PCDHGA7: variants seen among roughly 807,000 people sequenced by gnomAD.
The protein encoded by PCDHGA7 is protocadherin gamma-A7.
PCDHGA7 carries 44 observed loss-of-function variants against 58.3 expected under a neutral mutation model. The ratio of observed to expected loss-of-function variants is 0.75; its 90% CI spans 0.59 to 0.97. PCDHGA7 has a LOEUF of 0.97. Among genes scored for constraint, PCDHGA7 ranks in the 50% least tolerant of loss-of-function variants. PCDHGA7 has a pLI of 0.00. For synonymous variants in PCDHGA7, 516 were observed against 504.2 expected (o/e 1.02, Z -0.31); for missense variants, 1,266 against 1,188.7 (o/e 1.06, Z -0.96).
intron 1 of PCDHGA7, among the ~76,000 whole-genome samples, chr5:141,481,426 A>T (rs1431602618): frequency 6.6e-6 from 1 of 152,238 alleles, no homozygotes; most frequent in Non-Finnish European, 1.5e-5. Context: ...TGTGATGATG[A>T]TTGTATCAGT....
At chr5:141,508,193 C>T (rs1426786164) in intron 3 of PCDHGA7, 1 of 152,326 alleles carries the variant, frequency 6.6e-6, no homozygotes, top group Non-Finnish European at 1.5e-5. Flanking sequence ...ATCACCCCCA[C>T]CTCGTCCAGG....
chr5:141,509,059 C>T (rs1313349089), intron 3 of PCDHGA7, among the ~76,000 whole-genome samples: 2 of 152,182 alleles, frequency 1.3e-5, no homozygotes, highest in Non-Finnish European at 2.9e-5. Flanking sequence ...CCAGAAAGCT[C>T]TCAGCTCCGG....
In PCDHGA7 at chr5:141,512,385, A is replaced by G. The variant is rs78180647; in HGVS notation, c.*1212A>G. 6,750 of 152,704 alleles carry G rather than the reference A, an allele frequency of 0.044. 413 individuals carry two copies. Among genetic ancestry groups the G allele is most frequent in the Admixed American group, 0.18 (2,745 of 15,296 alleles). The allele number at this position is 152,704 out of a possible 1,614,324, so 9.5% of individuals were successfully genotyped here. ...TAGGGCAGGGACCAAATGAACAGAAAGTCTCAGCCCAGGATGGGGCTTCTT... is the reference window on the plus strand; with the variant it reads ...TAGGGCAGGGACCAAATGAACAGAAGGTCTCAGCCCAGGATGGGGCTTCTT... On this transcript the variant is annotated 3_prime_UTR_variant, in exon 4 of 4. Coordinates refer to ENST00000518325, the MANE Select transcript of PCDHGA7 (RefSeq NM_018920.4).
At position 141,477,039 on chromosome 5, in the gene PCDHGA7, G is replaced by C. The variant is rs1313580652; in HGVS notation, c.2425-17768G>C. Reference sequence around the variant, plus strand: ...GTAACCGGGATGCTGACAATCAAGGGTCGGCTGGACTTCGAGGACACCAAA... The same window carrying C: ...GTAACCGGGATGCTGACAATCAAGGCTCGGCTGGACTTCGAGGACACCAAA... On this transcript the variant is annotated intron_variant, in intron 1 of 3. Coordinates refer to ENST00000518325, the MANE Select transcript of PCDHGA7 (RefSeq NM_018920.4). This position sits in a 1 kb window ranked among gnomAD's most constrained non-coding sequence, Gnocchi z 4.9. 1 of 1,614,144 alleles carries C rather than the reference G, an allele frequency of 6.2e-7. No individual in the cohort carries two copies. The highest frequency in any genetic ancestry group is 8.5e-7 in the Non-Finnish European group (1 of 1,180,056).
intron 1 of PCDHGA7, chr5:141,413,772 A>G: frequency 1.9e-6 from 3 of 1,613,226 alleles, no homozygotes; most frequent in Non-Finnish European, 2.5e-6. Context: ...CGGAGCTGGT[A>G]CTGGAGCACT....
At chr5:141,389,998 T>C (rs755639909) in intron 1 of PCDHGA7, 1 of 1,614,046 alleles carries the variant, frequency 6.2e-7, no homozygotes, top group East Asian at 2.2e-5. Context: ...CTCGTGGCCA[T>C]GATTCTGGCC....
chr5:141,422,919 G>C (rs1445179310), intron 1 of PCDHGA7: 9 of 1,614,120 alleles, frequency 5.6e-6, no homozygotes, highest in Non-Finnish European at 6.8e-6. Context: ...CCGAGATCCT[G>C]TACCCTGCCC....
intron 1 of PCDHGA7, chr5:141,405,033 T>TTGTGGC: frequency 6.2e-7 from 1 of 1,613,962 alleles, no homozygotes; most frequent in Non-Finnish European, 8.5e-7. Context: ...CTCTACCTCG[T>TTGTGGC]TGTGGCTGTG....
chr5:141,437,881 G>A (rs1317504695), intron 1 of PCDHGA7, among the ~76,000 whole-genome samples: 4 of 152,026 alleles, frequency 2.6e-5, no homozygotes, highest in Admixed American at 2.6e-4. Flanking sequence ...GGGACTACAG[G>A]CACACGCCAC....
In PCDHGA7 at chr5:141,419,975, G is replaced by A. The variant is rs372316838; in HGVS notation, c.2424+34652G>A. ...CTTGATTTCTGTGCTCTTTCTCCTC[G>A]CGGTGATTCTAGCTATTGCTCTACG... On this transcript the variant is annotated intron_variant, in intron 1 of 3. Coordinates refer to ENST00000518325, the MANE Select transcript of PCDHGA7 (RefSeq NM_018920.4). 273 of 1,613,928 alleles carry A rather than the reference G, an allele frequency of 1.7e-4. No homozygotes were observed. The highest frequency in any genetic ancestry group is 2.2e-4 in the Non-Finnish European group (261 of 1,179,916).
Position 141,393,047 on chromosome 5 carries a change from C to G in PCDHGA7, c.2424+7724C>G, listed in dbSNP as rs778464494. ...GTAGGACGCAGCTCTTTGCTCTGAA[C>G]CCGCGCAGCGGCAGCTTGATCACCG... On this transcript the variant is annotated intron_variant, in intron 1 of 3. Transcript: ENST00000518325. 16 of 1,613,566 alleles carry G rather than the reference C, an allele frequency of 9.9e-6. No homozygotes were observed. The South Asian group carries it at 1.6e-4, about 17-fold the overall frequency.
At chr5:141,394,856 G>A (rs1008039711) in intron 1 of PCDHGA7, 1 of 1,613,792 alleles carries the variant, frequency 6.2e-7, no homozygotes, top group Non-Finnish European at 8.5e-7. Flanking sequence ...TGAAGCCTTC[G>A]GTCGACCCGA....
chr5:141,406,415 GC>G (rs2094806009), intron 1 of PCDHGA7, among the ~76,000 whole-genome samples: 1 of 152,164 alleles, frequency 6.6e-6, no homozygotes, highest in Non-Finnish European at 1.5e-5. Flanking sequence ...ACAGCTGAAA[GC>G]CCAGATTTAT....
At position 141,416,083 on chromosome 5, in the gene PCDHGA7, A is replaced by T. The variant is rs183563665; in HGVS notation, c.2424+30760A>T. The T allele has an allele frequency of 1.6e-4, 27 of 167,232 alleles. 1 individual carries two copies. The East Asian group carries it at 3.9e-3, about 24-fold the overall frequency. The allele number at this position is 167,232 out of a possible 1,614,324, so 10.4% of individuals were successfully genotyped here. A position where few individuals can be genotyped will look rare whatever the true frequency, so the allele number is the denominator to read the frequency against. On this transcript the variant is annotated intron_variant, in intron 1 of 3. Transcript: ENST00000518325. Reference sequence around the variant, plus strand: ...AGAATACTCAATGCAGTTCTTCCCAAGGAGAAGGGCAATAGGCCTTTTTCA... The same window carrying T: ...AGAATACTCAATGCAGTTCTTCCCATGGAGAAGGGCAATAGGCCTTTTTCA...
At chr5:141,425,296 T>A (rs1283179158) in intron 1 of PCDHGA7, among the ~76,000 whole-genome samples, 1 of 152,194 alleles carries the variant, frequency 6.6e-6, no homozygotes, top group Non-Finnish European at 1.5e-5. Flanking sequence ...TAAAACCTCA[T>A]CTAAACTAAC....
intron 1 of PCDHGA7, among the ~76,000 whole-genome samples, chr5:141,458,236 C>T (rs6874378): frequency 0.18 from 27,546 of 152,106 alleles, 2,658 homozygotes; most frequent in Admixed American, 0.28. Flanking sequence ...AGTCCATGCA[C>T]CAAAATGATA....
chr5:141,468,433 A>G (rs2099167290), intron 1 of PCDHGA7: 1 of 152,202 alleles, frequency 6.6e-6, no homozygotes, highest in Non-Finnish European at 1.5e-5. Context: ...GGTAATAGCA[A>G]AATGTGGGTG....
At chr5:141,400,059 T>C (rs2093953035) in intron 1 of PCDHGA7, 2 of 1,613,750 alleles carry the variant, frequency 1.2e-6, no homozygotes, top group South Asian at 2.2e-5. Context: ...CTGTGCGTGA[T>C]GGTGGACAGC....
chr5:141,457,868 G>T lies in PCDHGA7; in HGVS notation c.2425-36939G>T, dbSNP rs1479066479. ...AAAGTGACATTCTTCACTGACCACA[G>T]GTTAGGAACCCTGTGTGGGGACTGT... On this transcript the variant is annotated intron_variant, in intron 1 of 3. Transcript: ENST00000518325. Among the ~76,000 whole-genome samples the T allele has an allele frequency of 2.0e-5, 3 of 152,346 alleles. No individual in the cohort carries two copies. In the East Asian group the frequency reaches 5.8e-4, roughly 29 times the overall value.
Sources: allele counts gnomAD v4.1 joint callset (sites outside exome capture counted in the v4.1 genomes callset), GRCh38; gene constraint gnomAD v4.1.1; non-coding constraint Gnocchi (gnomAD v3.1); transcripts MANE v1.5; gene names NCBI Gene and HGNC (gene_info 2026-07-23, HGNC 2026-07-21).